TUT4: variants seen among roughly 807,000 people sequenced by gnomAD.
TUT4 encodes terminal uridylyl transferase 4, also known as terminal uridylyltransferase 4.
A neutral mutation model predicts 192.2 loss-of-function variants in TUT4; 36 were observed. The observed-to-expected ratio is 0.19, with a 90% CI of 0.14 to 0.25. TUT4 has a LOEUF of 0.25. TUT4 is among the 10% of genes least tolerant of loss of function. TUT4 has a pLI of 1.00. For synonymous variants in TUT4, 618 were observed against 666.0 expected (o/e 0.93, Z 1.11); for missense variants, 1,493 against 1,957.2 (o/e 0.76, Z 4.47).
Position 52,461,217 on chromosome 1 carries a change from G to T in TUT4, c.3238C>A (p.His1080Asn). 6.2e-7 allele frequency: 1 copy of T among 1,602,298 alleles called. No individual in the cohort carries two copies. Among genetic ancestry groups the T allele is most frequent in the Non-Finnish European group, 8.5e-7 (1 of 1,175,088 alleles). Reference sequence around the variant, plus strand: ...TAAGTAGCTAGCATTCTTGTGTTATGTTGAGCCTGAAAAATAATTACATAT... The same window carrying T: ...TAAGTAGCTAGCATTCTTGTGTTATTTTGAGCCTGAAAAATAATTACATAT... The part of the protein sequence containing the change: ...DISLYNTLAQ[H>N]NTRMLATYAA... Residue 1080 changes from histidine (H) to asparagine (N), a missense_variant, in exon 19 of 30, where the codon CAT becomes AAT. By Grantham distance (68) the His-to-Asn change is moderately conservative. This residue lies in a region of TUT4 where 141 missense variants were observed against 382.7 expected (regional missense o/e 0.37). Coordinates refer to ENST00000257177, the MANE Select transcript of TUT4 (RefSeq NM_001009881.3).
chr1:52,426,964 G>GTA (rs150776998), intron 28 of TUT4, among the ~76,000 whole-genome samples: 3,979 of 152,052 alleles, frequency 0.026, 155 homozygotes, highest in African/African-American at 0.087. Context: ...TCAACACAGT[G>GTA]TAACTGTAGC....
At chr1:52,476,863 A>G (rs950600256) in intron 12 of TUT4, among the ~76,000 whole-genome samples, 1 of 152,246 alleles carries the variant, frequency 6.6e-6, no homozygotes, top group Admixed American at 6.5e-5. Context: ...CATAAATTCA[A>G]TTTCTTATCT....
chr1:52,432,310 G>A (rs970982417), intron 27 of TUT4: 1 of 152,162 alleles, frequency 6.6e-6, no homozygotes, highest in East Asian at 1.9e-4. Context: ...ATACAAGAAG[G>A]GAGAGATAAG....
intron 3 of TUT4, among the ~76,000 whole-genome samples, chr1:52,512,003 G>A (rs1344501319): frequency 6.6e-6 from 1 of 152,188 alleles, no homozygotes; most frequent in Non-Finnish European, 1.5e-5. Context: ...GGAGTTGAAA[G>A]CATACATACA....
intron 9 of TUT4, among the ~76,000 whole-genome samples, chr1:52,487,550 A>G (rs1670116507): frequency 6.6e-6 from 1 of 152,190 alleles, no homozygotes; most frequent in African/African-American, 2.4e-5. Flanking sequence ...AAGATAAATG[A>G]GAGGAAGTAG....
At chr1:52,430,894 A>C in intron 28 of TUT4, 119 bp downstream of exon 28, 1 of 1,124,254 alleles carries the variant, frequency 8.9e-7, no homozygotes, top group Non-Finnish European at 1.2e-6. Context: ...ATCTTTATCT[A>C]ATCCTGTACT....
At chr1:52,476,442 TTAAATA>T in intron 12 of TUT4, among the ~76,000 whole-genome samples, 1 of 152,266 alleles carries the variant, frequency 6.6e-6, no homozygotes. Flanking sequence ...TCTGTAAGCC[TTAAATA>T]TAGATAACCC....
intron 17 of TUT4, 38 bp downstream of exon 17, chr1:52,461,674 A>T: frequency 1.3e-6 from 2 of 1,548,800 alleles, no homozygotes; most frequent in Non-Finnish European, 1.7e-6. Flanking sequence ...TGCTAAAAAA[A>T]TTTATTTTGT....
intron 2 of TUT4, among the ~76,000 whole-genome samples, chr1:52,522,987 CTT>C (rs748149518): frequency 3.1e-4 from 28 of 89,580 alleles, no homozygotes; most frequent in African/African-American, 1.2e-3. Context: ...CCTTAACTAT[CTT>C]TTTTTTTTTT....
At chr1:52,505,208 TG>T (rs1675203428) in intron 4 of TUT4, among the ~76,000 whole-genome samples, 1 of 152,088 alleles carries the variant, frequency 6.6e-6, no homozygotes, top group African/African-American at 2.4e-5. Context: ...TTCCTAATCT[TG>T]GGGGGACAGC....
intron 8 of TUT4, among the ~76,000 whole-genome samples, chr1:52,489,836 G>A (rs969027180): frequency 3.9e-5 from 6 of 152,224 alleles, no homozygotes; most frequent in South Asian, 2.1e-4. Context: ...GAACTAGATC[G>A]CCATAGACTC....
intron 13 of TUT4, among the ~76,000 whole-genome samples, chr1:52,474,352 A>T (rs1330874387): frequency 6.6e-6 from 1 of 152,194 alleles, no homozygotes; most frequent in Non-Finnish European, 1.5e-5. Context: ...TTTTTTGACT[A>T]TTAATCTTAG....
rs774936814 is a variant in TUT4 at position 52,475,468 on chromosome 1, C to T, written c.2091G>A (p.Val697=). ...LNSQLVYEYV[V]ERFRAAYRYF... ...ACCGATAAGCTGCCCTAAATCTCTC[C>T]ACAACATATTCGTAAACCAGCTGGC... The change falls in exon 13 of 30, where the codon GTG becomes GTA. Residue 697 remains valine (V), a synonymous_variant. Transcript: ENST00000257177. 3.7e-6 allele frequency: 6 copies of T among 1,614,068 alleles called. No homozygotes were observed. The Admixed American group carries it at 1.0e-4, about 27-fold the overall frequency.
intron 12 of TUT4, among the ~76,000 whole-genome samples, chr1:52,475,967 C>A (rs949774286): frequency 6.6e-6 from 1 of 151,966 alleles, no homozygotes; most frequent in African/African-American, 2.4e-5. Flanking sequence ...GACTCAGCCT[C>A]CGGAGTAGCT....
At chr1:52,543,730 A>G (rs1023599357) in intron 1 of TUT4, among the ~76,000 whole-genome samples, 6 of 151,650 alleles carry the variant, frequency 4.0e-5, no homozygotes, top group African/African-American at 1.5e-4. Context: ...GTAATCCACC[A>G]GCCTCGGCCT....
intron 1 of TUT4, 98 bp downstream of exon 1, chr1:52,552,832 CG>C (rs530431216): frequency 4.5e-4 from 69 of 152,450 alleles, no homozygotes; most frequent in African/African-American, 1.6e-3. Flanking sequence ...CCGACACCTG[CG>C]AAGCGCGGCA....
chr1:52,449,878 A>G (rs1658841627), intron 20 of TUT4, among the ~76,000 whole-genome samples: 1 of 152,172 alleles, frequency 6.6e-6, no homozygotes, highest in Non-Finnish European at 1.5e-5. Flanking sequence ...ATCAAATAGT[A>G]TTTGTCTTTC....
At chr1:52,529,718 A>G (rs1682832604) in intron 1 of TUT4, 1 of 152,232 alleles carries the variant, frequency 6.6e-6, no homozygotes, top group East Asian at 1.9e-4. Flanking sequence ...TCAAGTTTGT[A>G]TACATAAACA....
At position 52,444,777 on chromosome 1, in the gene TUT4, G is replaced by T. The variant is rs959185099; in HGVS notation, c.3822+1010C>A. On this transcript the variant is annotated intron_variant, in intron 24 of 29. Coordinates refer to ENST00000257177, the MANE Select transcript of TUT4 (RefSeq NM_001009881.3). ...TGAATGCTTCCAGCCCTCAAATGTC[G>T]GACTCCAAGTTCTTCAATTTTGGGA... Among the ~76,000 whole-genome samples, 4 of 150,746 alleles carry T rather than the reference G, an allele frequency of 2.7e-5. No individual in the cohort carries two copies. In the Admixed American group the frequency reaches 2.7e-4, roughly 10 times the overall value.
Sources: gnomAD v4.1 joint callset for allele counts (sites outside exome capture counted in the v4.1 genomes callset) on GRCh38, gnomAD v4.1.1 for gene constraint, gnomAD v4.1.1 regional missense constraint, MANE v1.5 for transcripts, NCBI Gene and HGNC (gene_info 2026-07-23, HGNC 2026-07-21) for gene names.